LDLRAD4: variants seen among roughly 807,000 people sequenced by gnomAD.
LDLRAD4 encodes low density lipoprotein receptor class A domain containing 4, also known as low-density lipoprotein receptor class A domain-containing protein 4.
LDLRAD4 carries 5 observed loss-of-function variants against 17.0 expected under a neutral mutation model. The observed-to-expected ratio is 0.29, with a 90% CI of 0.15 to 0.62. LDLRAD4 has a LOEUF of 0.62. Among genes scored for constraint, LDLRAD4 ranks in the 20% least tolerant of loss-of-function variants. The pLI, the probability that LDLRAD4 is intolerant of heterozygous loss-of-function variation, is 0.84. For synonymous variants in LDLRAD4, 168 were observed against 171.8 expected (o/e 0.98, Z 0.17); for missense variants, 340 against 424.7 (o/e 0.80, Z 1.75).
chr18:13,387,888 C>T, intron 2 of LDLRAD4, 126 bp downstream of exon 3: 1 of 781,900 alleles, frequency 1.3e-6, no homozygotes, highest in Non-Finnish European at 2.2e-6. Flanking sequence ...GTCAAGGGCT[C>T]AGGCTGCTGT....
Position 13,621,128 on chromosome 18 carries a change from T to C in LDLRAD4, c.193T>C (p.Phe65Leu), listed in dbSNP as rs200983599. The change falls in exon 4 of 6, where the codon TTC becomes CTC. Residue 65 changes from phenylalanine (F) to leucine (L), a missense_variant. By Grantham distance (22) the Phe-to-Leu change is conservative (BLOSUM62 0). Coordinates refer to ENST00000359446, the Ensembl canonical transcript of LDLRAD4. The surrounding 1 kb of genome is among the most constrained non-coding windows in gnomAD (Gnocchi z 5.5). ...CTCTTCCATGGCAGCGGAGCTGGAG[T>C]TCGCCCAAATCATCATCATCGTCGT... is the stretch of plus-strand genomic sequence containing the variant. 8.7e-6 allele frequency: 14 copies of C among 1,613,874 alleles called. No homozygotes were observed. The Middle Eastern group carries it at 4.9e-4, about 57-fold the overall frequency.
At chr18:13,344,306 G>C (rs898740658) in intron 1 of LDLRAD4, among the ~76,000 whole-genome samples, 9 of 152,192 alleles carry the variant, frequency 5.9e-5, no homozygotes, top group Non-Finnish European at 8.8e-5. Flanking sequence ...CATATGGCTA[G>C]CCAGTTTTCC....
intron 1 of LDLRAD4, among the ~76,000 whole-genome samples, chr18:13,219,597 A>G (rs79312115): frequency 0.028 from 4,328 of 152,288 alleles, 88 homozygotes; most frequent in East Asian, 0.062. Flanking sequence ...GAGCGCTAGT[A>G]TTAGTAAGTT....
At chr18:13,352,557 G>C (rs375933411) in intron 1 of LDLRAD4, among the ~76,000 whole-genome samples, 1 of 152,048 alleles carries the variant, frequency 6.6e-6, no homozygotes, top group South Asian at 2.1e-4. Flanking sequence ...ATATGTCTTG[G>C]TGTGGGTCTC....
intron 2 of LDLRAD4, among the ~76,000 whole-genome samples, chr18:13,394,399 A>G (rs912181738): frequency 5.3e-5 from 8 of 152,182 alleles, no homozygotes; most frequent in African/African-American, 1.9e-4. Flanking sequence ...TAATTTCAGT[A>G]TTGCCTGAAA....
intron 3 of LDLRAD4, chr18:13,620,807 A>G (rs900664191): frequency 2.5e-6 from 1 of 393,382 alleles, no homozygotes; most frequent in Middle Eastern, 7.3e-4. Context: ...AACCATAAAG[A>G]CGGGTTTAAC....
chr18:13,268,182 C>T (rs1460584136), intron 1 of LDLRAD4, among the ~76,000 whole-genome samples: 8 of 152,210 alleles, frequency 5.3e-5, no homozygotes, highest in African/African-American at 1.9e-4. Flanking sequence ...CGATGGACTG[C>T]AGATGGTGCC....
At chr18:13,221,352 G>GA (rs1229055912) in intron 1 of LDLRAD4, among the ~76,000 whole-genome samples, 1 of 151,766 alleles carries the variant, frequency 6.6e-6, no homozygotes, top group Admixed American at 6.6e-5. Flanking sequence ...TTAGGTCTCA[G>GA]AAAAAAATCT....
chr18:13,622,333 C>A lies in LDLRAD4; in HGVS notation c.336+1062C>A, dbSNP rs1258438994. Among the ~76,000 whole-genome samples the A allele has an allele frequency of 6.6e-6, 1 of 152,144 alleles. No individual in the cohort carries two copies. Among genetic ancestry groups the A allele is most frequent in the Non-Finnish European group, 1.5e-5 (1 of 68,022 alleles). ...TTTGCTGTCTGCTCTGCAGCTCCTG[C>A]AGGTAGTGGGGAGAAGGAAGGGGTG... On this transcript the variant is annotated intron_variant, in intron 4 of 5. Transcript: ENST00000359446. This position sits in a 1 kb window ranked among gnomAD's most constrained non-coding sequence, Gnocchi z 5.3.
Position 13,398,758 on chromosome 18 carries a change from G to A in LDLRAD4, c.40+10996G>A, listed in dbSNP as rs191150882. 2.6e-5 allele frequency among the ~76,000 whole-genome samples: 4 copies of A among 152,234 alleles called. No homozygotes were observed. The highest frequency in any genetic ancestry group is 2.4e-5 in the African/African-American group (1 of 41,542). The stretch of plus-strand genomic sequence containing the variant: ...ACAGCCTCTGACCACCAGCCTGGAC[G>A]TGGGGATACGTCTCTGCAGAACCAG... On this transcript the variant is annotated intron_variant, in intron 2 of 5. Coordinates refer to ENST00000359446, the Ensembl canonical transcript of LDLRAD4. The surrounding 1 kb of genome is among the most constrained non-coding windows in gnomAD (Gnocchi z 4.8).
At chr18:13,639,895 T>C (rs997886921) in intron 4 of LDLRAD4, among the ~76,000 whole-genome samples, 2 of 152,218 alleles carry the variant, frequency 1.3e-5, no homozygotes, top group African/African-American at 4.8e-5. Context: ...GCTTATGTTA[T>C]ACTCTGTGAA....
intron 3 of LDLRAD4, among the ~76,000 whole-genome samples, chr18:13,503,306 C>T (rs1356101374): frequency 2.0e-5 from 3 of 152,180 alleles, no homozygotes; most frequent in African/African-American, 4.8e-5. Context: ...CTCAATTCTG[C>T]GCAGCCTTTG....
intron 3 of LDLRAD4, among the ~76,000 whole-genome samples, chr18:13,477,670 G>C (rs541967403): frequency 6.6e-6 from 1 of 152,226 alleles, no homozygotes; most frequent in Non-Finnish European, 1.5e-5. Context: ...GAAAACTACA[G>C]TTTGGAGAGC....
intron 1 of LDLRAD4, among the ~76,000 whole-genome samples, chr18:13,327,961 A>G (rs939867842): frequency 4.6e-5 from 7 of 152,052 alleles, no homozygotes; most frequent in African/African-American, 1.7e-4. Flanking sequence ...ACCCAAAGAA[A>G]CCTTAGAACT....
chr18:13,438,398 C>G lies in LDLRAD4; in HGVS notation c.181+14C>G, dbSNP rs774092011. On this transcript the variant is annotated intron_variant, in intron 3 of 5. Coordinates refer to ENST00000359446, the Ensembl canonical transcript of LDLRAD4. ...GCATCTTCAACTGTAAGTCTCTCCT[C>G]CCACCTGGGTGGCACTGTCTGATGT... 13 of 1,612,246 alleles carry G rather than the reference C, an allele frequency of 8.1e-6. No homozygotes were observed. In the Admixed American group the frequency reaches 1.2e-4, roughly 14 times the overall value.
At chr18:13,505,966 T>C (rs1185739765) in intron 3 of LDLRAD4, among the ~76,000 whole-genome samples, 4 of 152,208 alleles carry the variant, frequency 2.6e-5, no homozygotes, top group Admixed American at 1.3e-4. Flanking sequence ...CAGAGCAGCC[T>C]TCCTGCACTG....
At chr18:13,557,136 T>TA (rs374236958) in intron 3 of LDLRAD4, among the ~76,000 whole-genome samples, 46 of 144,802 alleles carry the variant, frequency 3.2e-4, no homozygotes, top group East Asian at 2.4e-3. Flanking sequence ...TTTACAAAAT[T>TA]AAAAAAAAAA....
At chr18:13,249,270 G>A (rs528454050) in intron 1 of LDLRAD4, among the ~76,000 whole-genome samples, 1 of 152,188 alleles carries the variant, frequency 6.6e-6, no homozygotes, top group Non-Finnish European at 1.5e-5. Context: ...ATGCCGAGTA[G>A]CAGGACTGCT....
At chr18:13,295,394 G>C (rs545791510) in intron 1 of LDLRAD4, among the ~76,000 whole-genome samples, 1 of 152,194 alleles carries the variant, frequency 6.6e-6, no homozygotes, top group African/African-American at 2.4e-5. Context: ...TACTGTGCCC[G>C]AGCCCAGGGA....
Sources: gnomAD v4.1 joint callset for allele counts (sites outside exome capture counted in the v4.1 genomes callset) on GRCh38, gnomAD v4.1.1 for gene constraint, Gnocchi (gnomAD v3.1) non-coding constraint, MANE v1.5 for transcripts, NCBI Gene and HGNC (gene_info 2026-07-23, HGNC 2026-07-21) for gene names.